TSNAX: variants seen among roughly 807,000 people sequenced by gnomAD.
TSNAX encodes the protein translin associated factor X, also known as translin-associated protein X.
TSNAX carries 12 observed loss-of-function variants against 33.0 expected under a neutral mutation model. The observed-to-expected ratio is 0.36, with a 90% CI of 0.23 to 0.59. The LOEUF (loss-of-function observed/expected upper bound fraction) is 0.59, where lower values mean the gene tolerates loss of function less well. Among genes scored for constraint, TSNAX ranks in the 20% least tolerant of loss-of-function variants. The pLI is 0.74. For missense variants in TSNAX, 267 were observed against 341.3 expected, an observed-to-expected ratio of 0.78 and a Z score of 1.72; for synonymous variants, 110 against 117.2, an observed-to-expected ratio of 0.94 and a Z score of 0.40.
intron 4 of TSNAX, among the ~76,000 whole-genome samples, chr1:231,557,648 A>G (rs1267657425): frequency 1.3e-5 from 2 of 152,008 alleles, no homozygotes; most frequent in Non-Finnish European, 2.9e-5. Context: ...GTGTTTCAGT[A>G]TTTCTGTAAG....
chr1:231,543,507 A>AT (rs900493277), intron 4 of TSNAX, among the ~76,000 whole-genome samples: 2 of 151,988 alleles, frequency 1.3e-5, no homozygotes, highest in African/African-American at 4.8e-5. Context: ...AACGTTTTGG[A>AT]TTTTGGACCA....
At chr1:231,533,380 C>A (rs1658918640) in intron 2 of TSNAX, among the ~76,000 whole-genome samples, 1 of 152,172 alleles carries the variant, frequency 6.6e-6, no homozygotes, top group Non-Finnish European at 1.5e-5. Flanking sequence ...GGATTATAGG[C>A]GTGAGCCATC....
rs1346355269 is a variant in TSNAX at position 231,528,776 on chromosome 1, C to G, written c.-35C>G. The G allele has an allele frequency of 6.2e-7, 1 of 1,614,080 alleles. No individual in the cohort carries two copies. On this transcript the variant is annotated 5_prime_UTR_variant, in exon 1 of 6. Coordinates refer to ENST00000366639, the MANE Select transcript of TSNAX (RefSeq NM_005999.3). ...CGCACTCCTCTTGCTCCAGGTCCTT[C>G]AGTCTCCGCTCGTCTCACCGTAGGC...
chr1:231,553,102 G>T (rs1460431198), intron 4 of TSNAX, among the ~76,000 whole-genome samples: 2 of 152,142 alleles, frequency 1.3e-5, no homozygotes, highest in Non-Finnish European at 2.9e-5. Context: ...TCTTTTGGGT[G>T]TATATACCTA....
intron 4 of TSNAX, among the ~76,000 whole-genome samples, chr1:231,546,599 A>G (rs1659927291): frequency 6.6e-6 from 1 of 152,230 alleles, no homozygotes; most frequent in African/African-American, 2.4e-5. Context: ...TTATCTGTTA[A>G]TGAGTGAGAT....
rs140123952 is a variant in TSNAX, at chr1:231,555,366, A to G, written c.368-5762A>G. Among the ~76,000 whole-genome samples the G allele has an allele frequency of 2.6e-3, 395 of 152,278 alleles. 1 individual carries two copies. Among genetic ancestry groups the G allele is most frequent in the African/African-American group, 9.0e-3 (376 of 41,562 alleles). ...ACCCAGAGTAGTCAAAATCATAGAG[A>G]CAAGAAAGTAGAATGGTGGTTGGCA... On this transcript the variant is annotated intron_variant, in intron 4 of 5. Coordinates refer to ENST00000366639, the MANE Select transcript of TSNAX (RefSeq NM_005999.3).
At chr1:231,529,118 TC>T (rs1337426825) in intron 1 of TSNAX, 136 bp from the exon 2 acceptor site, 12 of 855,896 alleles carry the variant, frequency 1.4e-5, no homozygotes, top group Non-Finnish European at 2.2e-5. Flanking sequence ...AGCGTCTCTG[TC>T]AGTCTGCGGA....
intron 4 of TSNAX, among the ~76,000 whole-genome samples, chr1:231,546,891 G>A (rs891567011): frequency 6.6e-6 from 1 of 152,136 alleles, no homozygotes; most frequent in Admixed American, 6.6e-5. Context: ...GTGGGGGATG[G>A]CGCCTGAGGA....
rs373477226 is a variant in TSNAX at position 231,558,620 on chromosome 1, GA to G, written c.368-2507del. 2.6e-3 allele frequency among the ~76,000 whole-genome samples: 396 copies of G among 152,232 alleles called. 2 individuals are homozygous for G. The highest frequency in any genetic ancestry group is 9.1e-3 in the African/African-American group (377 of 41,506). ...GAGGCTAACCACATTAGAGCATGGA[GA>G]TGTGATTATGCATCTTTACGTTTTG... On this transcript the variant is annotated intron_variant, in intron 4 of 5. Coordinates refer to ENST00000366639, the MANE Select transcript of TSNAX (RefSeq NM_005999.3).
intron 5 of TSNAX, chr1:231,563,450 T>TAG (rs1319780025): frequency 6.5e-6 from 1 of 154,844 alleles, no homozygotes; most frequent in East Asian, 1.9e-4. Context: ...TAGGTACTGT[T>TAG]ATCCCATTTT....
intron 2 of TSNAX, among the ~76,000 whole-genome samples, chr1:231,529,747 CTT>C (rs1417765661): frequency 2.0e-5 from 3 of 152,206 alleles, no homozygotes; most frequent in East Asian, 1.9e-4. Flanking sequence ...AACTGTAACA[CTT>C]AGCACAGAGT....
intron 2 of TSNAX, chr1:231,535,790 A>G (rs536508665): frequency 5.8e-4 from 88 of 152,344 alleles, no homozygotes; most frequent in African/African-American, 2.0e-3. Context: ...AAGGCAAGAC[A>G]TGTTAGAATT....
intron 2 of TSNAX, 60 bp from the exon 3 acceptor site, chr1:231,537,153 T>C: frequency 7.6e-7 from 1 of 1,317,114 alleles, no homozygotes; most frequent in South Asian, 1.3e-5. Flanking sequence ...ATCTTAAAAA[T>C]ATTGTTTGGT....
chr1:231,531,201 G>T (rs918400118), intron 2 of TSNAX, among the ~76,000 whole-genome samples: 1 of 152,012 alleles, frequency 6.6e-6, no homozygotes, highest in Non-Finnish European at 1.5e-5. Flanking sequence ...CAAGCAGTCT[G>T]CCCGTCTCGG....
At chr1:231,563,948 C>T (rs115324896) in intron 5 of TSNAX, among the ~76,000 whole-genome samples, 3,499 of 152,008 alleles carry the variant, frequency 0.023, 139 homozygotes, top group African/African-American at 0.08. Context: ...TACTCAGCCA[C>T]CTGAATAAAG....
intron 4 of TSNAX, among the ~76,000 whole-genome samples, chr1:231,558,623 G>A (rs1311162737): frequency 2.0e-5 from 3 of 152,100 alleles, no homozygotes; most frequent in African/African-American, 4.8e-5. Context: ...GCATGGAGAT[G>A]TGATTATGCA....
chr1:231,556,480 T>C (rs1660703594), intron 4 of TSNAX, among the ~76,000 whole-genome samples: 2 of 152,208 alleles, frequency 1.3e-5, no homozygotes, highest in Admixed American at 6.5e-5. Flanking sequence ...GTTGCTAAAG[T>C]GTTTGTGGTC....
intron 2 of TSNAX, 191 bp from the exon 3 acceptor site, chr1:231,537,021 CG>C (rs1440688050): frequency 2.8e-6 from 1 of 360,492 alleles, no homozygotes; most frequent in Non-Finnish European, 5.1e-6. Context: ...TTAGTAGAGA[CG>C]GGGTTTCACC....
Position 231,537,310 on chromosome 1 carries a change from C to T in TSNAX, c.219C>T (p.Leu73=). ...ITVESKRTIF[L]LHRITSAPDM... ...TTGAAAGTAAAAGGACAATTTTTCT[C>T]CTCCATAGGATTACAAGGTGAGTAA... Residue 73 remains leucine, a synonymous_variant, in exon 3 of 6, where the codon CTC becomes CTT. Coordinates refer to ENST00000366639, the MANE Select transcript of TSNAX (RefSeq NM_005999.3). 6.2e-7 allele frequency: 1 copy of T among 1,609,796 alleles called. No homozygotes were observed. The highest frequency in any genetic ancestry group is 8.5e-7 in the Non-Finnish European group (1 of 1,176,692).
Sources: gnomAD v4.1 joint callset for allele counts (sites outside exome capture counted in the v4.1 genomes callset) on GRCh38, gnomAD v4.1.1 for gene constraint, MANE v1.5 for transcripts, NCBI Gene and HGNC (gene_info 2026-07-23, HGNC 2026-07-21) for gene names.